IL20RA: variants seen among roughly 807,000 people sequenced by gnomAD.
IL20RA encodes the protein interleukin-20 receptor subunit alpha.
In IL20RA, 29 loss-of-function variants were observed where a neutral mutation model predicts 36.5. That is an observed-to-expected ratio of 0.79 (90% CI 0.59 to 1.08). IL20RA has a LOEUF of 1.08. Among genes scored for constraint, IL20RA ranks in the 50% least tolerant of loss-of-function variants. IL20RA has a pLI of 0.00. For synonymous variants in IL20RA, 279 were observed against 267.1 expected (o/e 1.04, Z -0.43); for missense variants, 652 against 668.4 (o/e 0.98, Z 0.27).
In IL20RA at chr6:137,017,120, A is replaced by G. The variant is rs1775722259; in HGVS notation, c.89-17T>C. On this transcript the variant is annotated splice_polypyrimidine_tract_variant and intron_variant, in intron 1 of 6. Transcript: ENST00000316649. Reference sequence around the variant, plus strand: ...CACAGGGAACTGAAAAAGGAGCAGAAAGGAATTGAGGTCTTAGTAGCAGAA... The same window carrying G: ...CACAGGGAACTGAAAAAGGAGCAGAGAGGAATTGAGGTCTTAGTAGCAGAA... 2 of 1,611,132 alleles carry G rather than the reference A, an allele frequency of 1.2e-6. No individual in the cohort carries two copies. The highest frequency in any genetic ancestry group is 1.7e-6 in the Non-Finnish European group (2 of 1,178,470).
At chr6:137,005,179 T>C (rs1373702421) in intron 5 of IL20RA, among the ~76,000 whole-genome samples, 1 of 152,170 alleles carries the variant, frequency 6.6e-6, no homozygotes, top group African/African-American at 2.4e-5. Flanking sequence ...ATTGCTCCAC[T>C]TTTCCACGCC....
chr6:137,011,328 C>T lies in IL20RA; in HGVS notation c.349G>A (p.Gly117Arg). 6.2e-7 allele frequency: 1 copy of T among 1,613,678 alleles called. No homozygotes were observed. Among genetic ancestry groups the T allele is most frequent in the Non-Finnish European group, 8.5e-7 (1 of 1,179,670 alleles). ...TCAGCCCATTTGGAACACTTTGTTC[C>T]CCAAATGGCCTTAACTTTGGCATAA... ...QYYAKVKAIWGTKCSKWAESG... is the reference protein window; with the variant it reads ...QYYAKVKAIWRTKCSKWAESG... The change falls in exon 3 of 7, where the codon GGA (glycine) becomes AGA (arginine). Residue 117 changes from glycine to arginine, a missense_variant. Gly to Arg is a moderately radical substitution (Grantham distance 125). Transcript: ENST00000316649.
intron 1 of IL20RA, chr6:137,044,173 G>C: frequency 3.0e-6 from 3 of 986,154 alleles, no homozygotes; most frequent in Non-Finnish European, 3.6e-6. Flanking sequence ...CGCGGATCTC[G>C]CGACGCGCGG....
At chr6:137,033,712 A>C (rs1413853855) in intron 1 of IL20RA, among the ~76,000 whole-genome samples, 1 of 152,192 alleles carries the variant, frequency 6.6e-6, no homozygotes, top group African/African-American at 2.4e-5. Context: ...AGCCTGTAGA[A>C]CCAAGTGCCA....
chr6:137,034,995 T>C (rs1776438951), intron 1 of IL20RA, among the ~76,000 whole-genome samples: 1 of 151,722 alleles, frequency 6.6e-6, no homozygotes, highest in Non-Finnish European at 1.5e-5. Context: ...GGTTTTCTGT[T>C]CTTGTGTTAG....
intron 1 of IL20RA, among the ~76,000 whole-genome samples, chr6:137,029,433 G>C (rs1776197404): frequency 6.6e-6 from 1 of 152,178 alleles, no homozygotes; most frequent in Non-Finnish European, 1.5e-5. Flanking sequence ...CCTGAACCTG[G>C]GAGGCGGAGG....
Position 137,009,483 on chromosome 6 carries a change from C to A in IL20RA, c.413G>T (p.Gly138Val), listed in dbSNP as rs754378765. The A allele has an allele frequency of 6.2e-7, 1 of 1,605,526 alleles. No individual in the cohort carries two copies. Among genetic ancestry groups the A allele is most frequent in the Admixed American group, 1.7e-5 (1 of 59,932 alleles). The change falls in exon 4 of 7, where the codon GGC becomes GTC. Residue 138 changes from glycine (G) to valine (V), a missense_variant. Gly to Val is a moderately radical substitution (Grantham distance 109). Transcript: ENST00000316649. ...TGTAGTCAGTGCCACCTCTGGTGGGCCAATTTGTGCTTAAAGGGGGAGAAA... is the reference window on the plus strand; with the variant it reads ...TGTAGTCAGTGCCACCTCTGGTGGGACAATTTGTGCTTAAAGGGGGAGAAA... ...RFYPFLETQI[G>V]PPEVALTTDE...
intron 3 of IL20RA, 48 bp downstream of exon 3, chr6:137,011,226 G>A (rs769575065): frequency 8.9e-6 from 13 of 1,465,302 alleles, no homozygotes; most frequent in Admixed American, 1.8e-5. Flanking sequence ...TGTTAAACCT[G>A]ATATGAATAC....
intron 1 of IL20RA, among the ~76,000 whole-genome samples, chr6:137,031,042 C>T (rs974978276): frequency 1.3e-5 from 2 of 152,194 alleles, no homozygotes; most frequent in Non-Finnish European, 2.9e-5. Context: ...TTACCGTTAA[C>T]AATAACTATT....
chr6:137,010,233 A>G (rs1775436205), intron 3 of IL20RA, among the ~76,000 whole-genome samples: 1 of 152,238 alleles, frequency 6.6e-6, no homozygotes, highest in Non-Finnish European at 1.5e-5. Context: ...AAAGGTCTGG[A>G]CAGTAAATAT....
chr6:137,004,565 T>C (rs1562228239), intron 6 of IL20RA, 56 bp downstream of exon 6: 3 of 1,499,470 alleles, frequency 2.0e-6, no homozygotes, highest in Non-Finnish European at 2.8e-6. Context: ...CCTCCTCTTC[T>C]GTCCTCCTGG....
At chr6:137,037,398 A>G (rs548674163) in intron 1 of IL20RA, among the ~76,000 whole-genome samples, 1 of 152,320 alleles carries the variant, frequency 6.6e-6, no homozygotes, top group Admixed American at 6.5e-5. Context: ...CATCATCACA[A>G]GTTCTAGATA....
chr6:137,032,067 A>AG (rs1338904241), intron 1 of IL20RA, among the ~76,000 whole-genome samples: 5 of 150,974 alleles, frequency 3.3e-5, no homozygotes, highest in East Asian at 3.9e-4. Context: ...AAAAAAAAAA[A>AG]AAAAGAAAAG....
At chr6:137,017,717 T>C (rs578123759) in intron 1 of IL20RA, among the ~76,000 whole-genome samples, 87 of 151,654 alleles carry the variant, frequency 5.7e-4, no homozygotes, top group African/African-American at 2.1e-3. Context: ...CTAAAGAATA[T>C]AGTAAAGCAA....
rs1380896446 is a variant in IL20RA, at chr6:137,004,529, T to A, written c.864+92A>T. On this transcript the variant is annotated intron_variant, in intron 6 of 6. Coordinates refer to ENST00000316649, the MANE Select transcript of IL20RA (RefSeq NM_014432.4). Reference sequence around the variant, plus strand: ...TTTAACTTTAAATTCACTCTGCCCTTAAAGGGAACTGAATCTGTTCTAGAA... The same window carrying A: ...TTTAACTTTAAATTCACTCTGCCCTAAAAGGGAACTGAATCTGTTCTAGAA... 6.5e-6 allele frequency: 8 copies of A among 1,229,172 alleles called. 2 individuals carry two copies. The East Asian group carries it at 1.9e-4, about 29-fold the overall frequency. 76.1% of individuals were successfully genotyped at this position (1,229,172 alleles called of 1,614,324 possible).
chr6:137,033,375 T>C (rs1184772286), intron 1 of IL20RA, among the ~76,000 whole-genome samples: 4 of 152,176 alleles, frequency 2.6e-5, no homozygotes, highest in African/African-American at 9.7e-5. Context: ...CCAAATCTCA[T>C]GTTGAAGTAC....
chr6:137,011,460 G>GA lies in IL20RA; in HGVS notation c.225-9dup. 1 of 1,597,156 alleles carries GA rather than the reference G, an allele frequency of 6.3e-7. No individual in the cohort carries two copies. The highest frequency in any genetic ancestry group is 8.6e-7 in the Non-Finnish European group (1 of 1,169,052). On this transcript the variant is annotated splice_polypyrimidine_tract_variant and intron_variant, in intron 2 of 6. Coordinates refer to ENST00000316649, the MANE Select transcript of IL20RA (RefSeq NM_014432.4). ...CATTTCTTTTGCCCATATCTGCTAA[G>GA]AAAGAAGCTGAATTAATAATGAGGT... is the stretch of plus-strand genomic sequence containing the variant.
intron 1 of IL20RA, among the ~76,000 whole-genome samples, chr6:137,028,485 G>A (rs115466461): frequency 0.013 from 1,927 of 151,856 alleles, 47 homozygotes; most frequent in African/African-American, 0.045. Flanking sequence ...TCTGAGTCTG[G>A]GGCACAACCC....
chr6:137,013,108 T>C (rs1775555731), intron 2 of IL20RA, among the ~76,000 whole-genome samples: 2 of 152,258 alleles, frequency 1.3e-5, no homozygotes, highest in South Asian at 4.1e-4. Flanking sequence ...CCACATGCCT[T>C]GCATTCAGTT....
Sources: gnomAD v4.1 joint callset for allele counts (sites outside exome capture counted in the v4.1 genomes callset) on GRCh38, gnomAD v4.1.1 for gene constraint, MANE v1.5 for transcripts, NCBI Gene and HGNC (gene_info 2026-07-23, HGNC 2026-07-21) for gene names.